CBL: variants seen among roughly 807,000 people sequenced by gnomAD.
CBL encodes the protein Cbl proto-oncogene, also known as E3 ubiquitin-protein ligase CBL.
CBL carries 45 observed loss-of-function variants against 96.9 expected under a neutral mutation model. The observed-to-expected ratio is 0.46, with a 90% confidence interval of 0.37 to 0.60. The LOEUF is 0.60. Ranked by LOEUF, CBL falls within the 20% of genes least tolerant of loss-of-function variation. The pLI, the probability that CBL is intolerant of heterozygous loss-of-function variation, is 0.00. For synonymous variants in CBL, 420 were observed against 426.8 expected, an observed-to-expected ratio of 0.98 and a Z score of 0.20; for missense variants, 1,024 against 1,143.5, an observed-to-expected ratio of 0.90 and a Z score of 1.51.
intron 1 of CBL, among the ~76,000 whole-genome samples, chr11:119,207,739 A>G (rs1949283011): frequency 6.6e-6 from 1 of 152,188 alleles, no homozygotes; most frequent in South Asian, 2.1e-4. Flanking sequence ...CATATTGCGT[A>G]TGAAAAGTGA....
In CBL at chr11:119,301,703, A is replaced by G. The variant is rs543700756; in HGVS notation, c.*1922A>G. On this transcript the variant is annotated 3_prime_UTR_variant, in exon 16 of 16. Transcript: ENST00000264033. ...TGTGGTTACCCAGTGTCTTCTCTAC[A>G]TGGCATAAAGCGGCAAAGCCCACCA... 21 of 233,232 alleles carry G rather than the reference A, an allele frequency of 9.0e-5. No homozygotes were observed. The East Asian group carries it at 1.2e-3, about 13-fold the overall frequency. The allele number at this position is 233,232 out of a possible 1,614,324, so 14.4% of individuals were successfully genotyped here.
intron 2 of CBL, among the ~76,000 whole-genome samples, chr11:119,265,151 G>T (rs890965399): frequency 1.3e-5 from 2 of 152,174 alleles, no homozygotes; most frequent in Non-Finnish European, 2.9e-5. Context: ...AAAGAGCTAG[G>T]ATTACAAGTG....
chr11:119,285,373 C>G lies in CBL; in HGVS notation c.1748C>G (p.Ser583Cys). Residue 583 changes from serine to cysteine, a missense_variant, in exon 11 of 16, where the codon TCT becomes TGT. Transcript: ENST00000264033. ...PSRDKLPPVP[S>C]SRLGDSWLPR... Reference sequence around the variant, plus strand: ...AGAGACAAACTGCCCCCTGTCCCCTCTAGCCGCCTTGGAGACTCATGGCTG... The same window carrying G: ...AGAGACAAACTGCCCCCTGTCCCCTGTAGCCGCCTTGGAGACTCATGGCTG... 6.2e-7 allele frequency: 1 copy of G among 1,614,200 alleles called. No individual in the cohort carries two copies.
Position 119,298,616 on chromosome 11 carries a change from C to T in CBL, c.2434+76C>T, listed in dbSNP as rs1371324731. 7.8e-6 allele frequency: 10 copies of T among 1,285,252 alleles called. No homozygotes were observed. In the East Asian group the frequency reaches 2.1e-4, roughly 27 times the overall value. 79.6% of individuals were successfully genotyped at this position (1,285,252 alleles called of 1,614,324 possible). On this transcript the variant is annotated intron_variant, in intron 15 of 15. Transcript: ENST00000264033. ...ATGTTTATATTGAAAGGGAGATGAC[C>T]TTCTCTGGTGACAGTAAGTCAGTAT...
intron 9 of CBL, among the ~76,000 whole-genome samples, chr11:119,281,059 G>T (rs1949929621): frequency 6.6e-6 from 1 of 152,136 alleles, no homozygotes; most frequent in Non-Finnish European, 1.5e-5. Flanking sequence ...TAGTTTCTAT[G>T]AAATAAAATC....
intron 2 of CBL, among the ~76,000 whole-genome samples, chr11:119,245,317 A>G (rs1333434194): frequency 1.3e-5 from 2 of 151,978 alleles, no homozygotes; most frequent in Non-Finnish European, 2.9e-5. Context: ...TTTTGTATAT[A>G]TGGGTCATAT....
chr11:119,234,995 C>T (rs563849372), intron 2 of CBL, among the ~76,000 whole-genome samples: 4 of 152,246 alleles, frequency 2.6e-5, no homozygotes, highest in South Asian at 2.1e-4. Flanking sequence ...GAGACAGATA[C>T]GCTGGAAAGA....
chr11:119,241,793 G>C (rs6589724), intron 2 of CBL, among the ~76,000 whole-genome samples: 42,030 of 152,072 alleles, frequency 0.28, 6,263 homozygotes, highest in South Asian at 0.59. Context: ...TCCTGAAAAA[G>C]ATTTTCAGTC....
At chr11:119,225,582 A>G (rs1053185586) in intron 1 of CBL, among the ~76,000 whole-genome samples, 11 of 151,992 alleles carry the variant, frequency 7.2e-5, no homozygotes, top group African/African-American at 2.4e-4. Context: ...TATTTTTTGT[A>G]GAGATAGGGT....
At chr11:119,223,678 G>A (rs998805295) in intron 1 of CBL, among the ~76,000 whole-genome samples, 1 of 151,884 alleles carries the variant, frequency 6.6e-6, no homozygotes, top group Non-Finnish European at 1.5e-5. Flanking sequence ...CCAGGCTGGA[G>A]TGCAGTGGCG....
rs1448747274 is a variant in CBL at position 119,307,072 on chromosome 11, C to T, written c.*7291C>T. The T allele has an allele frequency of 8.7e-6, 2 of 230,228 alleles. No individual in the cohort carries two copies. The highest frequency in any genetic ancestry group is 8.6e-6 in the Non-Finnish European group (1 of 116,002). The allele number at this position is 230,228 out of a possible 1,614,324, so 14.3% of individuals were successfully genotyped here. On this transcript the variant is annotated 3_prime_UTR_variant, in exon 16 of 16. Coordinates refer to ENST00000264033, the MANE Select transcript of CBL (RefSeq NM_005188.4). Reference sequence around the variant, plus strand: ...CTTGAGTTTCATTAGTCCTTAGTGTCTAGGAGACAGGAAAGAATGCTCTCT... The same window carrying T: ...CTTGAGTTTCATTAGTCCTTAGTGTTTAGGAGACAGGAAAGAATGCTCTCT...
chr11:119,297,558 A>G (rs200042653), intron 14 of CBL, 77 bp downstream of exon 14: 3 of 1,084,618 alleles, frequency 2.8e-6, no homozygotes, highest in East Asian at 4.7e-5. Flanking sequence ...CAATTGAGAT[A>G]GCTTGATCTA....
At chr11:119,269,023 C>T (rs1419985116) in intron 2 of CBL, among the ~76,000 whole-genome samples, 3 of 152,186 alleles carry the variant, frequency 2.0e-5, no homozygotes, top group East Asian at 1.9e-4. Context: ...GCTGATTGTG[C>T]AGTCTAGGGT....
At position 119,232,582 on chromosome 11, in the gene CBL, A is replaced by C. The variant is rs1269106543; in HGVS notation, c.330A>C (p.Gly110=). 6.2e-7 allele frequency: 1 copy of C among 1,614,176 alleles called. No homozygotes were observed. The highest frequency in any genetic ancestry group is 2.2e-5 in the East Asian group (1 of 44,882). Reference sequence around the variant, plus strand: ...ATGAGGGGAAGATGGAGACACTTGGAGAAAATGAGTATTTTAGGGTGTTTA... The same window carrying C: ...ATGAGGGGAAGATGGAGACACTTGGCGAAAATGAGTATTTTAGGGTGTTTA... ...SRYEGKMETL[G]ENEYFRVFME... is the part of the protein sequence containing the mutation. Residue 110 remains glycine, a synonymous_variant, in exon 2 of 16, where the codon GGA becomes GGC. Transcript: ENST00000264033.
intron 14 of CBL, 102 bp from the exon 15 acceptor site, chr11:119,298,256 T>G: frequency 9.9e-7 from 1 of 1,007,394 alleles, no homozygotes; most frequent in African/African-American, 1.6e-5. Flanking sequence ...TTGAATGAGA[T>G]AAATGATTGC....
chr11:119,250,253 G>A (rs1187154129), intron 2 of CBL, among the ~76,000 whole-genome samples: 1 of 152,164 alleles, frequency 6.6e-6, no homozygotes, highest in East Asian at 1.9e-4. Context: ...GATGTCCATT[G>A]AATTGTAAGA....
At chr11:119,277,266 C>CACACACACACACAA (rs1555229986) in intron 6 of CBL, among the ~76,000 whole-genome samples, 1 of 151,770 alleles carries the variant, frequency 6.6e-6, no homozygotes, top group Non-Finnish European at 1.5e-5. Flanking sequence ...CACACACACA[C>CACACACACACACAA]ACACATAAAG....
chr11:119,304,067 TA>T lies in CBL; in HGVS notation c.*4288del. The T allele has an allele frequency of 4.3e-6, 1 of 233,664 alleles. No individual in the cohort carries two copies. Among genetic ancestry groups the T allele is most frequent in the East Asian group, 6.0e-5 (1 of 16,572 alleles). 14.5% of individuals were successfully genotyped at this position (233,664 alleles called of 1,614,324 possible). On this transcript the variant is annotated 3_prime_UTR_variant, in exon 16 of 16. Coordinates refer to ENST00000264033, the MANE Select transcript of CBL (RefSeq NM_005188.4). ...GTTGGGTCTTCCAAGAGCCAGACAT[TA>T]ATACAGATTGAACTCCATCAGTCCC...
intron 2 of CBL, among the ~76,000 whole-genome samples, chr11:119,261,904 T>C (rs1949757399): frequency 6.6e-6 from 1 of 152,176 alleles, no homozygotes; most frequent in South Asian, 2.1e-4. Context: ...ATGTAAAATA[T>C]TTGTGCTTTA....
Sources: allele counts gnomAD v4.1 joint callset (sites outside exome capture counted in the v4.1 genomes callset), GRCh38; gene constraint gnomAD v4.1.1; transcripts MANE v1.5; gene names NCBI Gene and HGNC (gene_info 2026-07-23, HGNC 2026-07-21).